Variants in PLPPR1 observed in about 807,000 individuals in gnomAD.
PLPPR1 encodes the protein phospholipid phosphatase-related protein type 1.
Under a neutral mutation model 33.1 loss-of-function variants are expected in PLPPR1, and 10 were observed. The ratio of observed to expected loss-of-function variants is 0.30; its 90% CI spans 0.19 to 0.51. The LOEUF (loss-of-function observed/expected upper bound fraction) is 0.51. PLPPR1 is among the 20% of genes least tolerant of loss of function. PLPPR1 has a pLI of 0.97. For synonymous variants in PLPPR1, 151 were observed against 151.0 expected (o/e 1.00, Z 0.00); for missense variants, 304 against 408.1 (o/e 0.74, Z 2.20).
intron 2 of PLPPR1, among the ~76,000 whole-genome samples, chr9:101,254,528 G>A (rs1297688348): frequency 6.6e-6 from 1 of 152,104 alleles, no homozygotes; most frequent in Non-Finnish European, 1.5e-5. Context: ...GACCAGGGGG[G>A]TTGTGAATCC....
chr9:101,149,586 A>C (rs1831558502), intron 1 of PLPPR1, among the ~76,000 whole-genome samples: 1 of 152,168 alleles, frequency 6.6e-6, no homozygotes, highest in African/African-American at 2.4e-5. Flanking sequence ...TCATGTTTTC[A>C]TTTCTTTAGA....
intron 3 of PLPPR1, among the ~76,000 whole-genome samples, chr9:101,274,164 T>A (rs193275893): frequency 2.0e-5 from 3 of 152,274 alleles, no homozygotes; most frequent in Middle Eastern, 3.4e-3. Flanking sequence ...CGATTCAGCT[T>A]TTTCATTCCT....
chr9:101,260,807 T>C (rs1195465325), intron 2 of PLPPR1, among the ~76,000 whole-genome samples: 2 of 151,904 alleles, frequency 1.3e-5, no homozygotes, highest in African/African-American at 4.8e-5. Flanking sequence ...GAAGAGAACA[T>C]AGAAAGAAAA....
At chr9:101,055,808 A>G (rs1225129401) in intron 1 of PLPPR1, among the ~76,000 whole-genome samples, 2 of 152,292 alleles carry the variant, frequency 1.3e-5, no homozygotes, top group East Asian at 1.9e-4. Flanking sequence ...GGAGAGGTAC[A>G]GTGAATAGCC....
In PLPPR1 at chr9:101,138,332, G is replaced by A. The variant is rs535890804; in HGVS notation, c.-45-47118G>A. Among the ~76,000 whole-genome samples the A allele has an allele frequency of 8.5e-5, 13 of 152,188 alleles. No homozygotes were observed. The East Asian group carries it at 2.1e-3, about 25-fold the overall frequency. ...CTGAATGTTAACATTTATAAGACAG[G>A]CTATATTTCACTTACTGCTGTATCC... is the stretch of plus-strand genomic sequence containing the variant. On this transcript the variant is annotated intron_variant, in intron 1 of 7. Transcript: ENST00000374874.
chr9:101,074,086 C>T (rs941372130), intron 1 of PLPPR1, among the ~76,000 whole-genome samples: 6 of 151,990 alleles, frequency 3.9e-5, no homozygotes, highest in East Asian at 1.9e-4. Flanking sequence ...ACTATGGCTC[C>T]GAGGTTTCAA....
chr9:101,088,130 C>G (rs774439271), intron 1 of PLPPR1, among the ~76,000 whole-genome samples: 3 of 152,172 alleles, frequency 2.0e-5, no homozygotes, highest in Non-Finnish European at 4.4e-5. Flanking sequence ...CCCTCCTTAT[C>G]CTCATGGAAA....
In PLPPR1 at chr9:101,126,192, G is replaced by T. The variant is rs539740548; in HGVS notation, c.-45-59258G>T. Among the ~76,000 whole-genome samples, 7 of 152,306 alleles carry T rather than the reference G, an allele frequency of 4.6e-5. No individual in the cohort carries two copies. The East Asian group carries it at 1.4e-3, about 29-fold the overall frequency. ...AGCCTCCTGTTCTTTTCACTGTGCTGCTTCCCAGCTTTATGTCAACAACTG... is the reference window on the plus strand; with the variant it reads ...AGCCTCCTGTTCTTTTCACTGTGCTTCTTCCCAGCTTTATGTCAACAACTG... On this transcript the variant is annotated intron_variant, in intron 1 of 7. Coordinates refer to ENST00000374874, the MANE Select transcript of PLPPR1 (RefSeq NM_207299.2).
chr9:101,095,112 G>A (rs1003836934), intron 1 of PLPPR1, among the ~76,000 whole-genome samples: 1 of 152,154 alleles, frequency 6.6e-6, no homozygotes, highest in African/African-American at 2.4e-5. Flanking sequence ...CAAATTGTCT[G>A]TCCTGGAATG....
rs1199766057 is a variant in PLPPR1, at chr9:101,312,487, C to A, written c.637-311C>A. Among the ~76,000 whole-genome samples the A allele has an allele frequency of 2.6e-5, 4 of 152,318 alleles. No individual in the cohort carries two copies. The South Asian group carries it at 8.3e-4, about 32-fold the overall frequency. ...CCCCAAATGATATTTAAACTTGTCACATAAAAACTGCATGTTCTGAATCTA... is the reference window on the plus strand; with the variant it reads ...CCCCAAATGATATTTAAACTTGTCAAATAAAAACTGCATGTTCTGAATCTA... On this transcript the variant is annotated intron_variant, in intron 5 of 7. Transcript: ENST00000374874.
chr9:101,269,769 T>A lies in PLPPR1; in HGVS notation c.64-111T>A, dbSNP rs963142042. On this transcript the variant is annotated intron_variant, in intron 2 of 7. Transcript: ENST00000374874. ...CGCCTGGCACGCACACACTCGCCAA[T>A]ACCAATATCAGGAGAGCCGCTGCTG... 3.9e-6 allele frequency: 4 copies of A among 1,017,512 alleles called. No homozygotes were observed. The African/African-American group carries it at 4.7e-5, about 12-fold the overall frequency. 63.0% of individuals were successfully genotyped at this position (1,017,512 alleles called of 1,614,324 possible).
intron 6 of PLPPR1, among the ~76,000 whole-genome samples, chr9:101,313,818 AC>A (rs1829005020): frequency 6.6e-6 from 1 of 151,964 alleles, no homozygotes; most frequent in Non-Finnish European, 1.5e-5. Context: ...CAACTTTCTC[AC>A]CCTTCCTTTT....
At chr9:101,295,937 C>A (rs1190492053) in intron 4 of PLPPR1, among the ~76,000 whole-genome samples, 6,059 of 146,288 alleles carry the variant, frequency 0.041, 278 homozygotes, top group African/African-American at 0.14. Context: ...GCAACAAAAG[C>A]CAAAATTGAC....
intron 2 of PLPPR1, among the ~76,000 whole-genome samples, chr9:101,251,310 A>C (rs1405939022): frequency 6.6e-6 from 1 of 152,046 alleles, no homozygotes. Flanking sequence ...AACTGTTGTA[A>C]AGCAGGGTAT....
intron 2 of PLPPR1, among the ~76,000 whole-genome samples, chr9:101,213,682 G>A (rs1826728439): frequency 2.0e-5 from 3 of 151,978 alleles, no homozygotes. Context: ...CATTTGGTTT[G>A]CAATTCATTT....
chr9:101,082,963 A>G (rs1830638406), intron 1 of PLPPR1, among the ~76,000 whole-genome samples: 1 of 152,092 alleles, frequency 6.6e-6, no homozygotes, highest in South Asian at 2.1e-4. Flanking sequence ...TGCTGTCATG[A>G]CTATTCAAAG....
intron 2 of PLPPR1, among the ~76,000 whole-genome samples, chr9:101,186,945 A>G (rs562747487): frequency 1.4e-4 from 21 of 152,018 alleles, no homozygotes; most frequent in African/African-American, 4.3e-4. Context: ...AACAAGAAAC[A>G]CATATTCTTA....
At chr9:101,142,746 C>CT (rs1006561966) in intron 1 of PLPPR1, among the ~76,000 whole-genome samples, 118 of 151,488 alleles carry the variant, frequency 7.8e-4, no homozygotes, top group South Asian at 4.2e-4. Flanking sequence ...GCTGCTGCTG[C>CT]TTTTTTTTTC....
chr9:101,136,718 G>A (rs1588042947), intron 1 of PLPPR1, among the ~76,000 whole-genome samples: 1 of 152,156 alleles, frequency 6.6e-6, no homozygotes, highest in Non-Finnish European at 1.5e-5. Context: ...GAAATTGAAC[G>A]TGGTTACCTG....
Sources: allele counts gnomAD v4.1 joint callset (sites outside exome capture counted in the v4.1 genomes callset), GRCh38; gene constraint gnomAD v4.1.1; transcripts MANE v1.5; gene names NCBI Gene and HGNC (gene_info 2026-07-23, HGNC 2026-07-21).